GLTP: variants seen among roughly 807,000 people sequenced by gnomAD.
The protein encoded by GLTP is glycolipid transfer protein.
GLTP carries 22 observed loss-of-function variants against 24.0 expected under a neutral mutation model. The ratio of observed to expected loss-of-function variants is 0.92; its 90% confidence interval spans 0.65 to 1.31. The LOEUF (loss-of-function observed/expected upper bound fraction) is 1.31. Among genes scored for constraint, GLTP ranks in the 50% most tolerant of loss-of-function variants. The probability of loss-of-function intolerance (pLI) is 0.00; values close to 1 mark genes in which losing one functional copy is unlikely to be tolerated. For synonymous variants in GLTP, 92 were observed against 115.9 expected, an observed-to-expected ratio of 0.79 and a Z score of 1.33; for missense variants, 224 against 276.6, an observed-to-expected ratio of 0.81 and a Z score of 1.35.
chr12:109,852,776 C>T (rs745737307), intron 4 of GLTP, 39 bp from the exon 5 acceptor site: 39 of 1,454,612 alleles, frequency 2.7e-5, no homozygotes, highest in African/African-American at 8.4e-5. Flanking sequence ...ACAGCGTTAG[C>T]GGGGGCTGAG....
intron 1 of GLTP, among the ~76,000 whole-genome samples, chr12:109,865,283 C>T (rs182205531): frequency 6.6e-6 from 1 of 152,160 alleles, no homozygotes; most frequent in Non-Finnish European, 1.5e-5. Context: ...AGAAAGGAAG[C>T]TGTCTTTTAA....
chr12:109,870,447 G>A (rs1193705709), intron 1 of GLTP, among the ~76,000 whole-genome samples: 1 of 151,156 alleles, frequency 6.6e-6, no homozygotes, highest in Non-Finnish European at 1.5e-5. Flanking sequence ...TCCAGCCTTG[G>A]TGACAGAGCA....
At chr12:109,864,345 T>TAGCAGTGGCGTCAACCTG (rs1868455290) in intron 1 of GLTP, among the ~76,000 whole-genome samples, 1 of 152,152 alleles carries the variant, frequency 6.6e-6, no homozygotes, top group African/African-American at 2.4e-5. Flanking sequence ...TGCCTGCAAT[T>TAGCAGTGGCGTCAACCTG]AGCAGTGGCG....
At chr12:109,868,143 TACAG>T (rs1176309355) in intron 1 of GLTP, among the ~76,000 whole-genome samples, 3 of 152,252 alleles carry the variant, frequency 2.0e-5, no homozygotes, top group Non-Finnish European at 4.4e-5. Flanking sequence ...TAGCTGAGAC[TACAG>T]ACACATGTCA....
Position 109,857,731 on chromosome 12 carries a change from A to G in GLTP, c.163-72T>C. 3.3e-6 allele frequency: 5 copies of G among 1,493,532 alleles called. No homozygotes were observed. The highest frequency in any genetic ancestry group is 1.1e-5 in the South Asian group (1 of 88,646). 92.5% of individuals were successfully genotyped at this position (1,493,532 alleles called of 1,614,324 possible). The stretch of plus-strand genomic sequence containing the variant: ...AGACATCTGGCCCGCACGCTGGGTG[A>G]AAAGCACCCTACCGGCATCTCCTGC... On this transcript the variant is annotated intron_variant, in intron 2 of 4. Coordinates refer to ENST00000318348, the MANE Select transcript of GLTP (RefSeq NM_016433.4). The surrounding 1 kb of genome is among the most constrained non-coding windows in gnomAD (Gnocchi z 4.3).
intron 1 of GLTP, among the ~76,000 whole-genome samples, chr12:109,862,517 G>A (rs539984832): frequency 6.6e-6 from 1 of 152,286 alleles, no homozygotes; most frequent in African/African-American, 2.4e-5. Context: ...GGCTACATGG[G>A]GACTGGCAAA....
chr12:109,858,619 A>C, intron 2 of GLTP, 64 bp downstream of exon 2: 1 of 1,174,152 alleles, frequency 8.5e-7, no homozygotes, highest in East Asian at 2.3e-5. Context: ...TGATGCTGGT[A>C]ACCCAGGTGG....
At chr12:109,872,934 G>A (rs1162989471) in intron 1 of GLTP, among the ~76,000 whole-genome samples, 1 of 152,160 alleles carries the variant, frequency 6.6e-6, no homozygotes, top group Non-Finnish European at 1.5e-5. Flanking sequence ...CCCGCAGACC[G>A]CAGGCTGCAT....
rs199522267 is a variant in GLTP at position 109,855,720 on chromosome 12, G to A, written c.346C>T (p.Arg116Trp). The stretch of plus-strand genomic sequence containing the variant: ...ATGAGGTTGGGGTGGTTCTCGTCCC[G>A]CTCCCCGTCGCAGATGCTCTGGAGG... Reference protein sequence around the residue: ...VFLQSICDGERDENHPNLIRV... With the variant: ...VFLQSICDGEWDENHPNLIRV... Residue 116 changes from arginine (R) to tryptophan (W), a missense_variant, in exon 4 of 5, where the codon CGG becomes TGG. By Grantham distance (101) the Arg-to-Trp change is moderately radical. Coordinates refer to ENST00000318348, the MANE Select transcript of GLTP (RefSeq NM_016433.4). This position sits in a 1 kb window ranked among gnomAD's most constrained non-coding sequence, Gnocchi z 4.1. 609 of 1,607,766 alleles carry A rather than the reference G, an allele frequency of 3.8e-4. 1 individual carries two copies. Among genetic ancestry groups the A allele is most frequent in the Non-Finnish European group, 4.8e-4 (564 of 1,177,180 alleles).
At chr12:109,870,031 A>G (rs1004091837) in intron 1 of GLTP, among the ~76,000 whole-genome samples, 5 of 152,106 alleles carry the variant, frequency 3.3e-5, no homozygotes, top group African/African-American at 9.7e-5. Context: ...GGCATGAGCC[A>G]CCGCACTCGG....
chr12:109,880,349 A>G lies in GLTP; in HGVS notation c.26T>C (p.Leu9Pro), dbSNP rs375791569. The change falls in exon 1 of 5, where the codon CTG becomes CCG. Residue 9 changes from leucine to proline, a missense_variant. Physicochemically the swap from Leu to Pro is moderately conservative, Grantham distance 98. Coordinates refer to ENST00000318348, the MANE Select transcript of GLTP (RefSeq NM_016433.4). This position sits in a 1 kb window ranked among gnomAD's most constrained non-coding sequence, Gnocchi z 5.1. ...CTGCTTGTCCGCGGGCAGCGGCTTCAGCAAGTGTTCGGCCAGCAGCGCCAT... is the reference window on the plus strand; with the variant it reads ...CTGCTTGTCCGCGGGCAGCGGCTTCGGCAAGTGTTCGGCCAGCAGCGCCAT... MALLAEHL[L>P]KPLPADKQIE... The G allele has an allele frequency of 2.5e-6, 4 of 1,592,218 alleles. No homozygotes were observed. The highest frequency in any genetic ancestry group is 3.4e-6 in the Non-Finnish European group (4 of 1,170,164).
At chr12:109,853,206 G>A (rs1049337648) in intron 4 of GLTP, among the ~76,000 whole-genome samples, 54 of 152,264 alleles carry the variant, frequency 3.5e-4, no homozygotes, top group African/African-American at 1.3e-3. Flanking sequence ...TCCAGAAAAG[G>A]TGAACTGCTC....
intron 1 of GLTP, among the ~76,000 whole-genome samples, chr12:109,877,028 A>C (rs750529682): frequency 5.9e-5 from 9 of 152,130 alleles, no homozygotes; most frequent in Non-Finnish European, 1.2e-4. Flanking sequence ...AATTTTCTGT[A>C]CTTTTGGTAG....
At position 109,851,228 on chromosome 12, in the gene GLTP, C is replaced by T. The variant is rs550434285; in HGVS notation, c.*1327G>A. 5 of 152,562 alleles carry T rather than the reference C, an allele frequency of 3.3e-5. No individual in the cohort carries two copies. Among genetic ancestry groups the T allele is most frequent in the Admixed American group, 6.5e-5 (1 of 15,282 alleles). The allele number at this position is 152,562 out of a possible 1,614,324, so 9.5% of individuals were successfully genotyped here. On this transcript the variant is annotated 3_prime_UTR_variant, in exon 5 of 5. Coordinates refer to ENST00000318348, the MANE Select transcript of GLTP (RefSeq NM_016433.4). ...AGTTTCTTAGGTTGGAAAATCTGTC[C>T]CTGAAGGAAATAATTCTGCAGAAGA...
At chr12:109,872,520 C>T (rs1369825425) in intron 1 of GLTP, among the ~76,000 whole-genome samples, 1 of 152,172 alleles carries the variant, frequency 6.6e-6, no homozygotes, top group Non-Finnish European at 1.5e-5. Flanking sequence ...GGCTGTTACA[C>T]ACATGGACAG....
intron 1 of GLTP, among the ~76,000 whole-genome samples, chr12:109,871,066 C>A (rs1393470292): frequency 6.6e-6 from 1 of 151,518 alleles, no homozygotes; most frequent in Non-Finnish European, 1.5e-5. Flanking sequence ...AAGACTAGGA[C>A]CCAACATTTC....
At chr12:109,853,868 G>A (rs1332406281) in intron 4 of GLTP, among the ~76,000 whole-genome samples, 1 of 150,840 alleles carries the variant, frequency 6.6e-6, no homozygotes, top group Non-Finnish European at 1.5e-5. Flanking sequence ...TCAACCTCCC[G>A]AGTAGCTGGG....
rs71458308 is a variant in GLTP, at chr12:109,857,441, C to T, written c.296+85G>A. On this transcript the variant is annotated intron_variant, in intron 3 of 4. Coordinates refer to ENST00000318348, the MANE Select transcript of GLTP (RefSeq NM_016433.4). This position sits in a 1 kb window ranked among gnomAD's most constrained non-coding sequence, Gnocchi z 4.3. ...AGGGCTCGGAAGTGACCTTCCCAGC[C>T]TGAGCTGACACTGCGGAACAGTGAC... 2.0e-6 allele frequency: 3 copies of T among 1,483,854 alleles called. No homozygotes were observed. In the Admixed American group the frequency reaches 5.5e-5, roughly 27 times the overall value. 91.9% of individuals were successfully genotyped at this position (1,483,854 alleles called of 1,614,324 possible). A position where few individuals can be genotyped will look rare whatever the true frequency, so the allele number is the denominator to read the frequency against.
chr12:109,853,757 T>G (rs1331014367), intron 4 of GLTP, among the ~76,000 whole-genome samples: 2 of 151,548 alleles, frequency 1.3e-5, no homozygotes, highest in Non-Finnish European at 2.9e-5. Flanking sequence ...TTTAAAAAAT[T>G]TTTTTAGACA....
Sources: gnomAD v4.1 joint callset for allele counts (sites outside exome capture counted in the v4.1 genomes callset) on GRCh38, gnomAD v4.1.1 for gene constraint, Gnocchi (gnomAD v3.1) non-coding constraint, MANE v1.5 for transcripts, NCBI Gene and HGNC (gene_info 2026-07-23, HGNC 2026-07-21) for gene names.